RGS17: variants seen among roughly 807,000 people sequenced by gnomAD.
The protein encoded by RGS17 is regulator of G-protein signaling 17.
RGS17 carries 12 observed loss-of-function variants against 25.5 expected under a neutral mutation model. The observed-to-expected ratio is 0.47, with a 90% CI of 0.30 to 0.76. The LOEUF is 0.76. Among genes scored for constraint, RGS17 ranks in the 30% least tolerant of loss-of-function variants. RGS17 has a pLI of 0.07. For synonymous variants in RGS17, 71 were observed against 76.9 expected (o/e 0.92, Z 0.40); for missense variants, 196 against 242.2 (o/e 0.81, Z 1.27).
chr6:153,123,237 A>G (rs1777663214), intron 1 of RGS17, among the ~76,000 whole-genome samples: 1 of 152,086 alleles, frequency 6.6e-6, no homozygotes, highest in Non-Finnish European at 1.5e-5. Flanking sequence ...CAGGTAAATT[A>G]CTGTATGGTA....
At chr6:153,077,287 T>A (rs1776897510) in intron 1 of RGS17, among the ~76,000 whole-genome samples, 1 of 152,098 alleles carries the variant, frequency 6.6e-6, no homozygotes, top group Non-Finnish European at 1.5e-5. Flanking sequence ...ATCAGTGCTG[T>A]GTAGGGGAAA....
In RGS17 at chr6:153,029,414, G is replaced by A. The variant is rs535674554; in HGVS notation, c.120-2871C>T. Among the ~76,000 whole-genome samples the A allele has an allele frequency of 2.6e-5, 4 of 152,274 alleles. No individual in the cohort carries two copies. The East Asian group carries it at 7.7e-4, about 29-fold the overall frequency. On this transcript the variant is annotated intron_variant, in intron 2 of 4. Coordinates refer to ENST00000206262, the MANE Select transcript of RGS17 (RefSeq NM_012419.5). ...TCTGTCTTGATATTGACTAATGTCT[G>A]TCCTACCTGGTCCTGCTCCAAGTAG...
chr6:153,046,823 G>A (rs1247566981), intron 1 of RGS17, among the ~76,000 whole-genome samples: 1 of 151,994 alleles, frequency 6.6e-6, no homozygotes, highest in Non-Finnish European at 1.5e-5. Context: ...ATATTTTAAG[G>A]AAAATTGGCC....
rs1323117404 is a variant in RGS17, at chr6:153,008,419, A to C, written c.*3155T>G. The C allele has an allele frequency of 6.6e-6, 1 of 152,160 alleles. No homozygotes were observed. Among genetic ancestry groups the C allele is most frequent in the Non-Finnish European group, 1.5e-5 (1 of 68,024 alleles). The allele number at this position is 152,160 out of a possible 1,614,324, so 9.4% of individuals were successfully genotyped here. A position where few individuals can be genotyped will look rare whatever the true frequency, so the allele number is the denominator to read the frequency against. On this transcript the variant is annotated 3_prime_UTR_variant, in exon 5 of 5. Transcript: ENST00000206262. ...TGTTTTGCTCTTGTTGTTCATGTGC[A>C]CACTCCAACACTGTCAGAGCATCTC...
intron 2 of RGS17, among the ~76,000 whole-genome samples, chr6:153,037,478 T>C (rs1463631939): frequency 1.3e-5 from 2 of 151,072 alleles, no homozygotes; most frequent in Non-Finnish European, 2.9e-5. Context: ...CAGGCTGGAG[T>C]GCAGTGGCGC....
chr6:153,082,217 G>T (rs1019974623), intron 1 of RGS17, among the ~76,000 whole-genome samples: 8 of 152,094 alleles, frequency 5.3e-5, no homozygotes, highest in Admixed American at 2.6e-4. Flanking sequence ...ATCTTGCTTG[G>T]AGTTTATTGA....
At chr6:153,095,321 T>C (rs527664175) in intron 1 of RGS17, among the ~76,000 whole-genome samples, 1 of 152,254 alleles carries the variant, frequency 6.6e-6, no homozygotes, top group South Asian at 2.1e-4. Context: ...ATGTAATAGA[T>C]ATTTTTTTAA....
intron 1 of RGS17, among the ~76,000 whole-genome samples, chr6:153,047,127 A>T (rs1776394749): frequency 6.6e-6 from 1 of 152,200 alleles, no homozygotes; most frequent in Admixed American, 6.5e-5. Flanking sequence ...TATGCACCTA[A>T]GTAAAAATTC....
At position 153,044,549 on chromosome 6, in the gene RGS17, C is replaced by T. The variant is rs150672936; in HGVS notation, c.-25-506G>A. ...GCGCCCTCTCACTTCCTTTGAAACA[C>T]AATATCCTTTTTGGCACTTTTGACT... On this transcript the variant is annotated intron_variant, in intron 1 of 4. Transcript: ENST00000206262. Among the ~76,000 whole-genome samples the T allele has an allele frequency of 1.2e-3, 190 of 152,300 alleles. 3 individuals are homozygous for T. The East Asian group carries it at 0.032, about 26-fold the overall frequency.
At chr6:153,082,087 A>G (rs1039536777) in intron 1 of RGS17, among the ~76,000 whole-genome samples, 1 of 152,082 alleles carries the variant, frequency 6.6e-6, no homozygotes, top group African/African-American at 2.4e-5. Flanking sequence ...TGTTTGGGAG[A>G]AGTTTGTAGT....
chr6:153,040,965 C>G (rs1029239380), intron 2 of RGS17, among the ~76,000 whole-genome samples: 6 of 147,882 alleles, frequency 4.1e-5, no homozygotes, highest in African/African-American at 1.3e-4. Flanking sequence ...CAAGAGCAGC[C>G]CAAGCAACAT....
intron 2 of RGS17, among the ~76,000 whole-genome samples, chr6:153,028,372 T>C (rs1282097863): frequency 6.6e-6 from 1 of 152,114 alleles, no homozygotes; most frequent in Admixed American, 6.5e-5. Context: ...AGCAAAGCCT[T>C]TAGCGTAGTG....
At chr6:153,042,290 C>A (rs1776332120) in intron 2 of RGS17, among the ~76,000 whole-genome samples, 1 of 152,100 alleles carries the variant, frequency 6.6e-6, no homozygotes, top group Non-Finnish European at 1.5e-5. Context: ...GTGTCCCCAC[C>A]CAAATCTCAT....
At chr6:153,049,885 A>G (rs986249484) in intron 1 of RGS17, among the ~76,000 whole-genome samples, 1 of 152,194 alleles carries the variant, frequency 6.6e-6, no homozygotes, top group Non-Finnish European at 1.5e-5. Context: ...AATAAAAATA[A>G]GTGGGGGTGT....
rs115786824 is a variant in RGS17, at chr6:153,049,417, C to T, written c.-25-5374G>A. On this transcript the variant is annotated intron_variant, in intron 1 of 4. Transcript: ENST00000206262. ...CCTGAATACAGAGTTGGGTTATCTTCTCAAGTGGGAAGACCAAAATCTTAA... is the reference window on the plus strand; with the variant it reads ...CCTGAATACAGAGTTGGGTTATCTTTTCAAGTGGGAAGACCAAAATCTTAA... Among the ~76,000 whole-genome samples the T allele has an allele frequency of 4.4e-3, 667 of 152,224 alleles. 13 individuals carry two copies. The highest frequency in any genetic ancestry group is 0.015 in the African/African-American group (636 of 41,532).
At chr6:153,034,564 A>C (rs1464006592) in intron 2 of RGS17, among the ~76,000 whole-genome samples, 1 of 152,182 alleles carries the variant, frequency 6.6e-6, no homozygotes, top group Non-Finnish European at 1.5e-5. Context: ...GACTAATCGC[A>C]TTTTACTGAG....
chr6:153,092,503 C>G (rs575804200), intron 1 of RGS17, among the ~76,000 whole-genome samples: 1 of 152,238 alleles, frequency 6.6e-6, no homozygotes, highest in East Asian at 1.9e-4. Context: ...TTTGTCACAG[C>G]GTGCCTTTTG....
rs980409316 is a variant in RGS17 at position 153,048,304 on chromosome 6, T to C, written c.-25-4261A>G. Among the ~76,000 whole-genome samples, 6 of 152,318 alleles carry C rather than the reference T, an allele frequency of 3.9e-5. No homozygotes were observed. In the South Asian group the frequency reaches 1.2e-3, roughly 32 times the overall value. ...ACTCATCCTTGATTCCTCTATTTCA[T>C]CTGGATGTCACATCAGCAGATCAGC... is the stretch of plus-strand genomic sequence containing the variant. On this transcript the variant is annotated intron_variant, in intron 1 of 4. Transcript: ENST00000206262.
intron 1 of RGS17, among the ~76,000 whole-genome samples, chr6:153,121,074 TA>T (rs1241859526): frequency 6.6e-6 from 1 of 152,086 alleles, no homozygotes; most frequent in Admixed American, 6.5e-5. Context: ...TTTTTTTTTT[TA>T]ATTTTGCTAT....
Sources: gnomAD v4.1 joint callset for allele counts (sites outside exome capture counted in the v4.1 genomes callset) on GRCh38, gnomAD v4.1.1 for gene constraint, MANE v1.5 for transcripts, NCBI Gene and HGNC (gene_info 2026-07-23, HGNC 2026-07-21) for gene names.